STK39: variants seen among roughly 807,000 people sequenced by gnomAD.
STK39 encodes the protein STE20/SPS1-related proline-alanine-rich protein kinase.
Under a neutral mutation model 77.8 loss-of-function variants are expected in STK39, and 20 were observed. The ratio of observed to expected loss-of-function variants is 0.26; its 90% CI spans 0.18 to 0.37. The LOEUF is 0.37. STK39 is among the 10% of genes least tolerant of loss of function. STK39 has a pLI of 1.00. For synonymous variants in STK39, 246 were observed against 234.1 expected, an observed-to-expected ratio of 1.05 and a Z score of -0.47; for missense variants, 479 against 656.5, an observed-to-expected ratio of 0.73 and a Z score of 2.95.
At chr2:168,137,590 A>AAATCTCCTT (rs1268081933) in intron 8 of STK39, among the ~76,000 whole-genome samples, 1 of 152,194 alleles carries the variant, frequency 6.6e-6, no homozygotes, top group Admixed American at 6.5e-5. Flanking sequence ...TTAAGGTAAA[A>AAATCTCCTT]AATCTCCTTA....
In STK39 at chr2:167,980,651, A is replaced by ATG. The variant is rs200569931; in HGVS notation, c.1499-15927_1499-15926dup. Among the ~76,000 whole-genome samples the ATG allele has an allele frequency of 7.2e-3, 1,102 of 152,090 alleles. 11 individuals are homozygous for ATG. The highest frequency in any genetic ancestry group is 7.8e-3 in the Non-Finnish European group (532 of 67,984). The stretch of plus-strand genomic sequence containing the variant: ...GTCCCAAGCAGAGGCTCTCTCACAC[A>ATG]TGTGGCCAGTCATGTGGAGGAGGAG... On this transcript the variant is annotated intron_variant, in intron 16 of 17. Coordinates refer to ENST00000355999, the MANE Select transcript of STK39 (RefSeq NM_013233.3).
At chr2:167,999,090 C>T (rs6433022) in intron 16 of STK39, among the ~76,000 whole-genome samples, 1 of 152,022 alleles carries the variant, frequency 6.6e-6, no homozygotes, top group African/African-American at 2.4e-5. Context: ...TGGCCCCTGC[C>T]CCCTCCCCAT....
intron 1 of STK39, among the ~76,000 whole-genome samples, chr2:168,189,411 T>TA (rs5836177): frequency 0.22 from 33,000 of 146,906 alleles, 4,480 homozygotes; most frequent in Non-Finnish European, 0.33. Context: ...AAGCAACAAC[T>TA]AAAAAAAAAA....
chr2:167,968,997 G>A (rs771598717), intron 16 of STK39, among the ~76,000 whole-genome samples: 1 of 152,142 alleles, frequency 6.6e-6, no homozygotes, highest in Non-Finnish European at 1.5e-5. Flanking sequence ...GGGTGCCGGG[G>A]TTCAAATCCT....
At chr2:168,165,049 A>G (rs562729776) in intron 3 of STK39, among the ~76,000 whole-genome samples, 6 of 152,234 alleles carry the variant, frequency 3.9e-5, no homozygotes, top group African/African-American at 1.4e-4. Flanking sequence ...AAACAAATGC[A>G]TATTTTTCCC....
chr2:168,047,998 C>A (rs553677585), intron 14 of STK39, among the ~76,000 whole-genome samples: 1 of 152,150 alleles, frequency 6.6e-6, no homozygotes, highest in Non-Finnish European at 1.5e-5. Flanking sequence ...GATTACCAGA[C>A]GACGGCACAG....
At chr2:168,188,009 C>T (rs1468999543) in intron 1 of STK39, among the ~76,000 whole-genome samples, 2 of 152,120 alleles carry the variant, frequency 1.3e-5, no homozygotes, top group Non-Finnish European at 2.9e-5. Flanking sequence ...TCTCTTAGCA[C>T]GTGCAAGAAC....
chr2:168,210,026 AAAGAAAGGAAGGAAGGAAGGAAGGAAGG>A lies in STK39; in HGVS notation c.209-27964_209-27937del, dbSNP rs1375558543. 5.8e-3 allele frequency among the ~76,000 whole-genome samples: 377 copies of A among 64,706 alleles called. 3 individuals carry two copies. Among genetic ancestry groups the A allele is most frequent in the African/African-American group, 0.024 (367 of 15,434 alleles). The allele number at this position is 64,706 out of a possible 152,430, so 42.4% of individuals were successfully genotyped here. A position where few individuals can be genotyped will look rare whatever the true frequency, so the allele number is the denominator to read the frequency against. Reference sequence around the variant, plus strand: ...AAAAAAAAAAAATAGGAAAGAAAGGAAAGAAAGGAAGGAAGGAAGGAAGGAAGGAAGGAAGGAAGGAAGGAAGGAAGGA... The same window carrying A: ...AAAAAAAAAAAATAGGAAAGAAAGGAAAGGAAGGAAGGAAGGAAGGAAGGA... On this transcript the variant is annotated intron_variant, in intron 1 of 17. Coordinates refer to ENST00000355999, the MANE Select transcript of STK39 (RefSeq NM_013233.3).
At chr2:167,999,046 T>C (rs560219212) in intron 16 of STK39, among the ~76,000 whole-genome samples, 30 of 152,358 alleles carry the variant, frequency 2.0e-4, no homozygotes, top group African/African-American at 6.5e-4. Context: ...CAAGTCATTA[T>C]GGCTAATGGC....
intron 12 of STK39, among the ~76,000 whole-genome samples, chr2:168,069,564 T>C (rs1395257789): frequency 6.6e-6 from 1 of 152,016 alleles, no homozygotes. Flanking sequence ...TTTTCCTTAT[T>C]TTTATTTTGG....
intron 1 of STK39, among the ~76,000 whole-genome samples, chr2:168,219,230 G>C (rs1466165432): frequency 6.6e-6 from 1 of 151,768 alleles, no homozygotes; most frequent in Admixed American, 6.6e-5. Context: ...AGGTTGCAGT[G>C]AGCCAAGATT....
At chr2:168,231,124 A>G (rs1452997622) in intron 1 of STK39, among the ~76,000 whole-genome samples, 1 of 152,244 alleles carries the variant, frequency 6.6e-6, no homozygotes, top group South Asian at 2.1e-4. Flanking sequence ...TACAAATAAT[A>G]GTAAACAAAA....
At chr2:168,044,705 A>G (rs1685193963) in intron 14 of STK39, among the ~76,000 whole-genome samples, 1 of 152,230 alleles carries the variant, frequency 6.6e-6, no homozygotes, top group Admixed American at 6.5e-5. Flanking sequence ...ACCCAAGGGA[A>G]CCAGTGACAG....
rs550525219 is a variant in STK39 at position 168,107,588 on chromosome 2, C to T, written c.1089+21953G>A. Among the ~76,000 whole-genome samples the T allele has an allele frequency of 8.5e-5, 13 of 152,258 alleles. No individual in the cohort carries two copies. In the East Asian group the frequency reaches 1.2e-3, roughly 14 times the overall value. ...AAGTCTGGACTGACTCATTATTTGACGTTAAAAATATCATTTCACATCTAT... is the reference window on the plus strand; with the variant it reads ...AAGTCTGGACTGACTCATTATTTGATGTTAAAAATATCATTTCACATCTAT... On this transcript the variant is annotated intron_variant, in intron 10 of 17. Transcript: ENST00000355999.
At chr2:168,178,211 A>T (rs1377553280) in intron 2 of STK39, among the ~76,000 whole-genome samples, 1 of 152,222 alleles carries the variant, frequency 6.6e-6, no homozygotes, top group Non-Finnish European at 1.5e-5. Context: ...GGGGTTAACA[A>T]ATTTCAGAAA....
Position 167,973,043 on chromosome 2 carries a change from G to A in STK39, c.1499-8317C>T, listed in dbSNP as rs1421742105. Among the ~76,000 whole-genome samples the A allele has an allele frequency of 4.6e-5, 7 of 152,068 alleles. No homozygotes were observed. In the South Asian group the frequency reaches 1.5e-3, roughly 32 times the overall value. ...AATCCAATTTAAAAAATTAAAAACT[G>A]ACAAATAAAAAATTTGTCTGTGTAG... On this transcript the variant is annotated intron_variant, in intron 16 of 17. Transcript: ENST00000355999.
intron 14 of STK39, among the ~76,000 whole-genome samples, chr2:168,056,867 T>C (rs746671477): frequency 1.3e-5 from 2 of 152,158 alleles, no homozygotes; most frequent in East Asian, 3.9e-4. Flanking sequence ...GTTTAGAGAA[T>C]AGCTTGTTCA....
chr2:168,133,027 C>A (rs772914302), intron 8 of STK39, among the ~76,000 whole-genome samples: 1 of 152,076 alleles, frequency 6.6e-6, no homozygotes, highest in African/African-American at 2.4e-5. Context: ...AAATGAGACT[C>A]GTGCTAGCAA....
chr2:168,189,300 G>A (rs932053708), intron 1 of STK39, among the ~76,000 whole-genome samples: 1 of 151,106 alleles, frequency 6.6e-6, no homozygotes, highest in Non-Finnish European at 1.5e-5. Flanking sequence ...TAATACCACA[G>A]AAAAATAAAA....
Sources: gnomAD v4.1 joint callset for allele counts (sites outside exome capture counted in the v4.1 genomes callset) on GRCh38, gnomAD v4.1.1 for gene constraint, MANE v1.5 for transcripts, NCBI Gene and HGNC (gene_info 2026-07-23, HGNC 2026-07-21) for gene names.